The following DPP10 variants were observed in gnomAD, a reference collection of about 807,000 sequenced individuals.
DPP10 encodes the protein inactive dipeptidyl peptidase 10.
A neutral mutation model predicts 120.9 loss-of-function variants in DPP10; 33 were observed. The observed-to-expected ratio is 0.27, with a 90% CI of 0.21 to 0.37. The LOEUF (loss-of-function observed/expected upper bound fraction) is 0.37. DPP10 is among the 10% of genes least tolerant of loss of function. The pLI is 1.00. For missense variants in DPP10, 816 were observed against 942.8 expected (o/e 0.87, Z 1.76); for synonymous variants, 337 against 326.1 (o/e 1.03, Z -0.36).
intron 24 of DPP10, 94 bp downstream of exon 24, chr2:115,836,840 T>G (rs906926231): frequency 1.2e-4 from 139 of 1,146,690 alleles, no homozygotes; most frequent in Non-Finnish European, 1.3e-4. Flanking sequence ...CCTGTAAACC[T>G]TCTGAAGAAG....
chr2:115,822,984 A>T (rs1435088064), intron 21 of DPP10, among the ~76,000 whole-genome samples: 1 of 152,076 alleles, frequency 6.6e-6, no homozygotes, highest in African/African-American at 2.4e-5. Flanking sequence ...GTTTAGCTAT[A>T]TTTTAACTCT....
At chr2:115,170,109 A>G (rs1221376004) in intron 1 of DPP10, among the ~76,000 whole-genome samples, 1 of 152,140 alleles carries the variant, frequency 6.6e-6, no homozygotes, top group Non-Finnish European at 1.5e-5. Context: ...GTACAGGGAG[A>G]AATAGGCCTT....
intron 5 of DPP10, among the ~76,000 whole-genome samples, chr2:115,652,533 C>T (rs72950105): frequency 0.038 from 5,740 of 150,830 alleles, 377 homozygotes; most frequent in African/African-American, 0.13. Flanking sequence ...GTTATAGAGG[C>T]GGAGAAGTTT....
intron 19 of DPP10, among the ~76,000 whole-genome samples, chr2:115,799,083 T>G (rs1684869233): frequency 6.6e-6 from 1 of 152,140 alleles, no homozygotes; most frequent in African/African-American, 2.4e-5. Flanking sequence ...TTAGCTTTTT[T>G]ATTAAGGTTC....
chr2:115,273,450 C>T (rs887627815), intron 1 of DPP10, among the ~76,000 whole-genome samples: 3 of 152,136 alleles, frequency 2.0e-5, no homozygotes, highest in African/African-American at 7.2e-5. Flanking sequence ...TATTCTCCTG[C>T]CTCAGCCTCC....
intron 1 of DPP10, among the ~76,000 whole-genome samples, chr2:115,159,271 A>G (rs1026744796): frequency 1.6e-4 from 24 of 152,304 alleles, no homozygotes; most frequent in African/African-American, 5.5e-4. Context: ...ATGCCGGCTA[A>G]CACGGTGAAA....
intron 15 of DPP10, among the ~76,000 whole-genome samples, chr2:115,779,163 G>A (rs964873): frequency 6.6e-6 from 1 of 152,100 alleles, no homozygotes; most frequent in African/African-American, 2.4e-5. Flanking sequence ...CATTATTAGT[G>A]TAAAATGTGA....
At chr2:114,690,789 G>A (rs1699687819) in intron 1 of DPP10, among the ~76,000 whole-genome samples, 1 of 151,924 alleles carries the variant, frequency 6.6e-6, no homozygotes, top group Non-Finnish European at 1.5e-5. Flanking sequence ...TCCTTGAAGA[G>A]TTCCTTCATT....
At chr2:115,319,708 A>G (rs934754204) in intron 2 of DPP10, among the ~76,000 whole-genome samples, 6 of 152,158 alleles carry the variant, frequency 3.9e-5, no homozygotes, top group South Asian at 2.1e-4. Flanking sequence ...AATATAAACA[A>G]TAGTAAATTA....
intron 1 of DPP10, among the ~76,000 whole-genome samples, chr2:114,955,113 C>T (rs927026448): frequency 1.3e-5 from 2 of 152,188 alleles, no homozygotes; most frequent in African/African-American, 4.8e-5. Flanking sequence ...AATCCATAGA[C>T]AGAGAAGCCC....
chr2:114,515,552 A>G (rs75696922), intron 1 of DPP10, among the ~76,000 whole-genome samples: 1,882 of 152,338 alleles, frequency 0.012, 35 homozygotes, highest in African/African-American at 0.043. Context: ...ATAGATAGAA[A>G]ATAGTACAAC....
chr2:114,656,495 C>T (rs1696977968), intron 1 of DPP10, among the ~76,000 whole-genome samples: 2 of 152,092 alleles, frequency 1.3e-5, no homozygotes, highest in Non-Finnish European at 2.9e-5. Flanking sequence ...TATTTTATAA[C>T]AGTATCTGCA....
chr2:114,842,855 AAAAAG>A (rs143977504), intron 1 of DPP10, among the ~76,000 whole-genome samples: 8,357 of 152,114 alleles, frequency 0.055, 739 homozygotes, highest in African/African-American at 0.19. Flanking sequence ...ACCGGAGACA[AAAAAG>A]AGAGAGAGAG....
intron 1 of DPP10, among the ~76,000 whole-genome samples, chr2:114,718,108 T>C (rs17043414): frequency 0.045 from 6,882 of 151,924 alleles, 533 homozygotes; most frequent in African/African-American, 0.16. Context: ...AGGGACTCCA[T>C]AGTTCAACAT....
intron 1 of DPP10, among the ~76,000 whole-genome samples, chr2:114,806,562 A>G (rs1248091819): frequency 6.6e-6 from 1 of 152,248 alleles, no homozygotes; most frequent in East Asian, 1.9e-4. Flanking sequence ...ATATGTGTCA[A>G]TGTGAGTCAA....
chr2:114,457,895 C>T (rs541776581), intron 1 of DPP10, among the ~76,000 whole-genome samples: 11 of 152,282 alleles, frequency 7.2e-5, no homozygotes, highest in Admixed American at 4.6e-4. Flanking sequence ...AAAATAGTAA[C>T]AAATAATGTT....
At chr2:114,443,388 C>T (rs957298704) in intron 1 of DPP10, among the ~76,000 whole-genome samples, 1 of 152,088 alleles carries the variant, frequency 6.6e-6, no homozygotes, top group South Asian at 2.1e-4. Context: ...CCATGTAACT[C>T]AAAACCAGTG....
intron 1 of DPP10, among the ~76,000 whole-genome samples, chr2:114,730,159 AG>A (rs1045771724): frequency 8.5e-5 from 13 of 152,234 alleles, no homozygotes; most frequent in Admixed American, 3.9e-4. Context: ...GGAGGTGAGA[AG>A]TCAATTACAC....
Position 115,836,512 on chromosome 2 carries a change from G to C in DPP10, c.2056G>C (p.Ala686Pro), listed in dbSNP as rs777523523. The change falls in exon 23 of 26, where the codon GCT becomes CCT. Residue 686 changes from alanine (A) to proline (P), a missense_variant. Coordinates refer to ENST00000410059, the MANE Select transcript of DPP10 (RefSeq NM_020868.6). ...TCTGTTTTCTTGGGTCACAGCCTCA[G>C]CTTTCTCTGAAAGATACCTTGGGAT... ...PITDLKLYAS[A>P]FSERYLGMPS... 15 of 1,613,314 alleles carry C rather than the reference G, an allele frequency of 9.3e-6. No individual in the cohort carries two copies. The highest frequency in any genetic ancestry group is 1.6e-4 in the Middle Eastern group (1 of 6,078).
Sources: gnomAD v4.1 joint callset for allele counts (sites outside exome capture counted in the v4.1 genomes callset) on GRCh38, gnomAD v4.1.1 for gene constraint, MANE v1.5 for transcripts, NCBI Gene and HGNC (gene_info 2026-07-23, HGNC 2026-07-21) for gene names.